The following SLC44A5 variants were observed in gnomAD, a reference collection of about 807,000 sequenced individuals.
The protein encoded by SLC44A5 is solute carrier family 44 member 5.
SLC44A5 carries 57 observed loss-of-function variants against 101.8 expected under a neutral mutation model. The observed-to-expected ratio is 0.56, with a 90% confidence interval of 0.45 to 0.70. SLC44A5 has a LOEUF of 0.70. Ranked by LOEUF, SLC44A5 falls within the 30% of genes least tolerant of loss-of-function variation. The probability of loss-of-function intolerance (pLI) is 0.00; values close to 1 mark genes in which losing one functional copy is unlikely to be tolerated. For synonymous variants in SLC44A5, 281 were observed against 290.9 expected (o/e 0.97, Z 0.35); for missense variants, 737 against 853.1 (o/e 0.86, Z 1.70).
intron 5 of SLC44A5, among the ~76,000 whole-genome samples, chr1:75,279,193 C>G (rs1200500025): frequency 6.6e-6 from 1 of 152,068 alleles, no homozygotes; most frequent in Non-Finnish European, 1.5e-5. Flanking sequence ...TTCTCTTCAT[C>G]TCTCCCTCCC....
chr1:75,495,034 A>G (rs7536121), intron 2 of SLC44A5, among the ~76,000 whole-genome samples: 3,196 of 152,230 alleles, frequency 0.021, 122 homozygotes, highest in African/African-American at 0.073. Flanking sequence ...ACTGGGAGAG[A>G]TGGCTGTCTT....
chr1:75,528,869 C>T (rs970667044), intron 2 of SLC44A5, among the ~76,000 whole-genome samples: 1 of 152,156 alleles, frequency 6.6e-6, no homozygotes, highest in Admixed American at 6.5e-5. Flanking sequence ...ATGCTCTTTC[C>T]TGCCCCAACT....
intron 2 of SLC44A5, among the ~76,000 whole-genome samples, chr1:75,504,639 T>C (rs943890045): frequency 1.3e-5 from 2 of 152,044 alleles, no homozygotes; most frequent in African/African-American, 4.8e-5. Context: ...ATCTTTTATA[T>C]AAAGGACCAA....
intron 2 of SLC44A5, among the ~76,000 whole-genome samples, chr1:75,413,394 T>G (rs978643140): frequency 6.6e-6 from 1 of 152,170 alleles, no homozygotes; most frequent in African/African-American, 2.4e-5. Flanking sequence ...ACCATTTACA[T>G]CTATAATTCT....
chr1:75,656,721 T>A, the SLC44A5 span, among the ~76,000 whole-genome samples: 1 of 151,814 alleles, frequency 6.6e-6, no homozygotes, highest in African/African-American at 2.4e-5. Context: ...CCAGAGAAAA[T>A]CACTTATTTA....
intron 6 of SLC44A5, among the ~76,000 whole-genome samples, chr1:75,252,707 C>A (rs1254247052): frequency 6.6e-6 from 1 of 152,106 alleles, no homozygotes; most frequent in East Asian, 1.9e-4. Flanking sequence ...GCCTTCCATG[C>A]CCATTTGAGC....
chr1:75,378,791 G>C lies in SLC44A5; in HGVS notation c.52+17792C>G, dbSNP rs1342095499. Among the ~76,000 whole-genome samples, 4 of 80,486 alleles carry C rather than the reference G, an allele frequency of 5.0e-5. 2 individuals are homozygous for C. The highest frequency in any genetic ancestry group is 3.3e-4 in the African/African-American group (4 of 12,008). 52.8% of individuals were successfully genotyped at this position (80,486 alleles called of 152,430 possible). Reference sequence around the variant, plus strand: ...CGTAAGATTACAACCTCAAACGCAGGTTAAAGAAAATAAGACCCAACCGCC... The same window carrying C: ...CGTAAGATTACAACCTCAAACGCAGCTTAAAGAAAATAAGACCCAACCGCC... On this transcript the variant is annotated intron_variant, in intron 3 of 23. Coordinates refer to ENST00000370859, the MANE Select transcript of SLC44A5 (RefSeq NM_001130058.2).
intron 2 of SLC44A5, among the ~76,000 whole-genome samples, chr1:75,436,026 C>T (rs1231536895): frequency 6.6e-6 from 1 of 152,074 alleles, no homozygotes; most frequent in African/African-American, 2.4e-5. Context: ...TAAATGAAGA[C>T]ACACTAGTTT....
intron 1 of SLC44A5, among the ~76,000 whole-genome samples, chr1:75,546,126 CT>C (rs1225434771): frequency 6.6e-6 from 1 of 151,782 alleles, no homozygotes; most frequent in African/African-American, 2.4e-5. Flanking sequence ...CCAGCCCATT[CT>C]TTTTTTGAAA....
At chr1:75,402,409 T>C (rs1476056436) in intron 2 of SLC44A5, 2 of 381,880 alleles carry the variant, frequency 5.2e-6, no homozygotes, top group Non-Finnish European at 1.1e-5. Context: ...GATGGCCAAA[T>C]AGAAACAGCT....
intron 1 of SLC44A5, among the ~76,000 whole-genome samples, chr1:75,580,774 G>C (rs1570665717): frequency 6.6e-6 from 1 of 150,960 alleles, no homozygotes; most frequent in Middle Eastern, 3.4e-3. Context: ...GGAGGCAGAG[G>C]TCGCAGTGAG....
chr1:75,445,916 C>T (rs1557792166), intron 2 of SLC44A5, among the ~76,000 whole-genome samples: 1 of 152,142 alleles, frequency 6.6e-6, no homozygotes, highest in Non-Finnish European at 1.5e-5. Context: ...CATCAAGTTG[C>T]TCGGGGAAGA....
At chr1:75,524,966 T>A (rs1423197027) in intron 2 of SLC44A5, among the ~76,000 whole-genome samples, 1 of 152,124 alleles carries the variant, frequency 6.6e-6, no homozygotes, top group Admixed American at 6.5e-5. Flanking sequence ...TATAAATATA[T>A]CCTGCTTCTT....
chr1:75,459,912 C>T (rs1444242111), intron 2 of SLC44A5, among the ~76,000 whole-genome samples: 1 of 152,136 alleles, frequency 6.6e-6, no homozygotes, highest in Non-Finnish European at 1.5e-5. Flanking sequence ...GCAGTTGGAA[C>T]TACAGGAGGC....
At chr1:75,653,204 A>G in the SLC44A5 span, among the ~76,000 whole-genome samples, 3 of 152,176 alleles carry the variant, frequency 2.0e-5, no homozygotes, top group Non-Finnish European at 4.4e-5. Flanking sequence ...CTCAAAAATG[A>G]AAAACAGGCC....
At chr1:75,400,275 C>G (rs1662393746) in intron 2 of SLC44A5, among the ~76,000 whole-genome samples, 1 of 152,112 alleles carries the variant, frequency 6.6e-6, no homozygotes, top group Non-Finnish European at 1.5e-5. Flanking sequence ...CATAAAAGTC[C>G]AAACCCCAGC....
At chr1:75,455,681 T>C (rs372148223) in intron 2 of SLC44A5, among the ~76,000 whole-genome samples, 13 of 151,960 alleles carry the variant, frequency 8.6e-5, no homozygotes, top group African/African-American at 1.9e-4. Flanking sequence ...AATAACCCCA[T>C]TGAAAAGTAG....
chr1:75,316,529 G>A (rs1655702250), intron 4 of SLC44A5, among the ~76,000 whole-genome samples: 1 of 152,170 alleles, frequency 6.6e-6, no homozygotes, highest in Non-Finnish European at 1.5e-5. Flanking sequence ...GTACCTACTT[G>A]TCTCTATCAT....
chr1:75,243,039 G>A lies in SLC44A5; in HGVS notation c.346-28C>T, dbSNP rs1435735618. 3.2e-6 allele frequency: 5 copies of A among 1,578,536 alleles called. No individual in the cohort carries two copies. The African/African-American group carries it at 6.8e-5, about 22-fold the overall frequency. On this transcript the variant is annotated intron_variant, in intron 7 of 23. Transcript: ENST00000370859. ...GTGAACGAACAAAGTGATGAGAACT[G>A]AACTGAGTTGAACAAACCCAGGAAC...
Sources: allele counts gnomAD v4.1 joint callset (sites outside exome capture counted in the v4.1 genomes callset), GRCh38; gene constraint gnomAD v4.1.1; transcripts MANE v1.5; gene names NCBI Gene and HGNC (gene_info 2026-07-23, HGNC 2026-07-21).